CTBP2: variants seen among roughly 807,000 people sequenced by gnomAD.
CTBP2 encodes C-terminal binding protein 2, also known as C-terminal-binding protein 2.
CTBP2 carries 30 observed loss-of-function variants against 80.3 expected under a neutral mutation model. The ratio of observed to expected loss-of-function variants is 0.37; its 90% CI spans 0.28 to 0.51. The LOEUF is 0.51. CTBP2 is among the 20% of genes least tolerant of loss of function. The probability of loss-of-function intolerance (pLI) is 0.93; values close to 1 mark genes in which losing one functional copy is unlikely to be tolerated. For synonymous variants in CTBP2, 594 were observed against 587.4 expected (o/e 1.01, Z -0.16); for missense variants, 1,212 against 1,375.3 (o/e 0.88, Z 1.88).
chr10:125,036,518 C>G (rs1293900487), intron 3 of CTBP2, among the ~76,000 whole-genome samples: 1 of 149,008 alleles, frequency 6.7e-6, no homozygotes, highest in Non-Finnish European at 1.5e-5. Context: ...AAAAAAAAAA[C>G]AAACCTAAGG....
chr10:125,112,557 T>C (rs1057512303), intron 1 of CTBP2, among the ~76,000 whole-genome samples: 1 of 151,938 alleles, frequency 6.6e-6, no homozygotes, highest in African/African-American at 2.4e-5. Context: ...GCCTCCCTAG[T>C]AGCTGGGATT....
rs567558367 is a variant in CTBP2 at position 124,998,760 on chromosome 10, C to T, written c.1979-590G>A. ...AGCGTGTGCACAATCGCCCTGTGGT[C>T]ATGTGCTCAGCACCCTGCTCTGCTG... On this transcript the variant is annotated intron_variant, in intron 3 of 8. Coordinates refer to ENST00000309035, the MANE Select transcript of CTBP2 (RefSeq NM_022802.3). 3.3e-3 allele frequency: 551 copies of T among 165,662 alleles called. 1 individual carries two copies. The highest frequency in any genetic ancestry group is 0.012 in the African/African-American group (519 of 41,816). 10.3% of individuals were successfully genotyped at this position (165,662 alleles called of 1,614,324 possible). A position where few individuals can be genotyped will look rare whatever the true frequency, so the allele number is the denominator to read the frequency against.
intron 2 of CTBP2, among the ~76,000 whole-genome samples, chr10:125,065,661 G>A (rs1478772503): frequency 6.6e-6 from 1 of 152,200 alleles, no homozygotes; most frequent in Non-Finnish European, 1.5e-5. Flanking sequence ...CTCACTGTAG[G>A]AGCACACTGC....
intron 1 of CTBP2, chr10:125,158,511 AT>A (rs1311387617): frequency 6.6e-6 from 1 of 152,200 alleles, no homozygotes; most frequent in East Asian, 1.9e-4. Context: ...TTCCCAATGC[AT>A]ATTTATAGAA....
In CTBP2 at chr10:125,006,135, C is replaced by T. The variant is rs1239947652; in HGVS notation, c.1679-2643G>A. 3 of 581,164 alleles carry T rather than the reference C, an allele frequency of 5.2e-6. No homozygotes were observed. In the East Asian group the frequency reaches 2.0e-4, roughly 38 times the overall value. The allele number at this position is 581,164 out of a possible 1,614,324, so 36.0% of individuals were successfully genotyped here. On this transcript the variant is annotated intron_variant, in intron 1 of 8. Coordinates refer to ENST00000309035, the MANE Select transcript of CTBP2 (RefSeq NM_022802.3). ...GCCTTTCTCCTTGGTGAAACCCACC[C>T]TCTACCCTCCCTGATGGCCGGGCAC...
At position 125,149,701 on chromosome 10, in the gene CTBP2, T is replaced by C. The variant is rs186623695; in HGVS notation, c.-206+10618A>G. 6.8e-4 allele frequency among the ~76,000 whole-genome samples: 104 copies of C among 152,362 alleles called. 2 individuals carry two copies. The highest frequency in any genetic ancestry group is 1.2e-3 in the Admixed American group (18 of 15,308). On this transcript the variant is annotated intron_variant, in intron 1 of 10. Transcript: ENST00000337195. ...GTTGTAGAATAGGAAGGTAATCTTA[T>C]AAAGAAAAGCCTGTTTTTCAGGAAA...
At chr10:125,002,517 G>A (rs1236893303) in intron 3 of CTBP2, among the ~76,000 whole-genome samples, 3 of 152,228 alleles carry the variant, frequency 2.0e-5, no homozygotes, top group African/African-American at 7.2e-5. Flanking sequence ...TCCCAGAACG[G>A]GAGGCCCAGG....
At chr10:124,996,677 C>T (rs1589941330) in intron 4 of CTBP2, 1 of 152,224 alleles carries the variant, frequency 6.6e-6, no homozygotes, top group African/African-American at 2.4e-5. Context: ...TGAGGCCCCA[C>T]CGTGTACCCA....
At chr10:125,101,729 G>A (rs561532363) in intron 2 of CTBP2, among the ~76,000 whole-genome samples, 7 of 152,272 alleles carry the variant, frequency 4.6e-5, no homozygotes, top group East Asian at 3.9e-4. Context: ...CACAGGTACC[G>A]GCTTGGAGAG....
In CTBP2 at chr10:124,988,007, G is replaced by A. The variant is rs1281088415; in HGVS notation, c.*1511C>T. The A allele has an allele frequency of 6.6e-6, 1 of 152,494 alleles. No individual in the cohort carries two copies. Among genetic ancestry groups the A allele is most frequent in the Admixed American group, 6.6e-5 (1 of 15,266 alleles). The allele number at this position is 152,494 out of a possible 1,614,324, so 9.4% of individuals were successfully genotyped here. A position where few individuals can be genotyped will look rare whatever the true frequency, so the allele number is the denominator to read the frequency against. On this transcript the variant is annotated 3_prime_UTR_variant, in exon 9 of 9. Transcript: ENST00000309035. ...AGGTTCACTTCCCTCCCTTGAACCA[G>A]GTCCAGGTCATTTTGCTTTGGGGTA... is the stretch of plus-strand genomic sequence containing the variant.
intron 2 of CTBP2, among the ~76,000 whole-genome samples, chr10:125,098,696 GAGAGAGAGAGACAGAGAGAGAGAGAGAC>G (rs1850029658): frequency 8.0e-6 from 1 of 125,278 alleles, no homozygotes. Context: ...GAGAGAGAGA[GAGAGAGAGAGACAGAGAGAGAGAGAGAC>G]AGAGAGAGAG....
At chr10:125,149,802 G>C (rs781339263) in intron 1 of CTBP2, among the ~76,000 whole-genome samples, 7 of 152,190 alleles carry the variant, frequency 4.6e-5, no homozygotes, top group Non-Finnish European at 1.0e-4. Context: ...ACCTGCTCCG[G>C]GTACTCTTCC....
At position 124,998,317 on chromosome 10, in the gene CTBP2, G is replaced by T. The variant is rs539686999; in HGVS notation, c.1979-147C>A. ...GTCTAGCAGACGCGGGGCTGGGCAC[G>T]TGGGCGGTAGGCCCTCTGGCTCTGA... On this transcript the variant is annotated intron_variant, in intron 3 of 8. Transcript: ENST00000309035. 4 of 830,064 alleles carry T rather than the reference G, an allele frequency of 4.8e-6. No individual in the cohort carries two copies. The South Asian group carries it at 5.1e-5, about 11-fold the overall frequency. The allele number at this position is 830,064 out of a possible 1,614,324, so 51.4% of individuals were successfully genotyped here. A position where few individuals can be genotyped will look rare whatever the true frequency, so the allele number is the denominator to read the frequency against.
At chr10:125,031,476 A>G (rs537405046), upstream of CTBP2, among the ~76,000 whole-genome samples, 1 of 132,392 alleles carries the variant, frequency 7.6e-6, no homozygotes, top group East Asian at 2.2e-4. Context: ...GCAACAGAGC[A>G]AGACTCCATT....
At chr10:125,152,489 A>G (rs1417140955) in intron 1 of CTBP2, among the ~76,000 whole-genome samples, 1 of 152,192 alleles carries the variant, frequency 6.6e-6, no homozygotes, top group African/African-American at 2.4e-5. Context: ...AGGAGGAAAA[A>G]CAGCCTCTTT....
chr10:125,123,520 C>G (rs142388244), intron 1 of CTBP2, among the ~76,000 whole-genome samples: 4 of 152,178 alleles, frequency 2.6e-5, no homozygotes, highest in African/African-American at 9.7e-5. Context: ...TTTAAAATAA[C>G]AGATTTGTCA....
intron 1 of CTBP2, among the ~76,000 whole-genome samples, chr10:125,130,188 C>T (rs1855934232): frequency 6.6e-6 from 1 of 152,120 alleles, no homozygotes; most frequent in South Asian, 2.1e-4. Context: ...GGTGGGATTA[C>T]AGACGCACAC....
chr10:125,059,938 G>C (rs1964642744), intron 2 of CTBP2, among the ~76,000 whole-genome samples: 1 of 152,204 alleles, frequency 6.6e-6, no homozygotes, highest in Non-Finnish European at 1.5e-5. Context: ...GTAAAGGACA[G>C]AAAAGGCTCA....
chr10:125,112,492 C>T (rs867838236), intron 1 of CTBP2, among the ~76,000 whole-genome samples: 8 of 147,458 alleles, frequency 5.4e-5, no homozygotes, highest in East Asian at 2.1e-4. Context: ...GCAATGGCGC[C>T]GTCTCGGCTC....
Sources: gnomAD v4.1 joint callset for allele counts (sites outside exome capture counted in the v4.1 genomes callset) on GRCh38, gnomAD v4.1.1 for gene constraint, MANE v1.5 for transcripts, NCBI Gene and HGNC (gene_info 2026-07-23, HGNC 2026-07-21) for gene names.